The following LRMDA variants were observed in gnomAD, a reference collection of about 807,000 sequenced individuals.
The protein encoded by LRMDA is leucine rich melanocyte differentiation associated.
In LRMDA, 18 loss-of-function variants were observed where a neutral mutation model predicts 29.8. The observed-to-expected ratio is 0.60, with a 90% CI of 0.42 to 0.90. The LOEUF is 0.90. Ranked by LOEUF, LRMDA falls within the 40% of genes least tolerant of loss-of-function variation. The pLI is 0.00. For missense variants in LRMDA, 273 were observed against 273.9 expected (o/e 1.00, Z 0.02); for synonymous variants, 125 against 109.4 (o/e 1.14, Z -0.89).
chr10:76,262,978 A>G (rs1422854443), intron 5 of LRMDA, among the ~76,000 whole-genome samples: 2 of 152,220 alleles, frequency 1.3e-5, no homozygotes, highest in Non-Finnish European at 2.9e-5. Context: ...AATTTTTCTC[A>G]TAATGAAATA....
At chr10:76,552,330 T>G (rs1233254250) in intron 6 of LRMDA, among the ~76,000 whole-genome samples, 3 of 152,218 alleles carry the variant, frequency 2.0e-5, no homozygotes, top group East Asian at 3.9e-4. Flanking sequence ...GGTCAGCACT[T>G]CTAGCTGTAT....
chr10:76,487,909 A>G (rs1292224807), intron 6 of LRMDA, among the ~76,000 whole-genome samples: 1 of 151,888 alleles, frequency 6.6e-6, no homozygotes, highest in Non-Finnish European at 1.5e-5. Context: ...TCTAGCCATC[A>G]GTTTCCTTAT....
intron 6 of LRMDA, among the ~76,000 whole-genome samples, chr10:76,508,563 C>T (rs1842980841): frequency 6.6e-6 from 1 of 150,710 alleles, no homozygotes; most frequent in African/African-American, 2.4e-5. Context: ...TAAGATTTGC[C>T]CATTGGGAGA....
At chr10:76,220,447 G>A (rs1271356273) in intron 5 of LRMDA, among the ~76,000 whole-genome samples, 3 of 151,986 alleles carry the variant, frequency 2.0e-5, no homozygotes, top group Admixed American at 6.6e-5. Flanking sequence ...TATCACCACC[G>A]ATCCCACAGA....
At chr10:76,350,584 G>T (rs1268288748) in intron 6 of LRMDA, among the ~76,000 whole-genome samples, 1 of 152,024 alleles carries the variant, frequency 6.6e-6, no homozygotes, top group Non-Finnish European at 1.5e-5. Flanking sequence ...TATCAGGAAG[G>T]AGCTAACGTT....
intron 6 of LRMDA, among the ~76,000 whole-genome samples, chr10:76,453,831 TTAAGA>T (rs1260122783): frequency 1.3e-5 from 2 of 152,216 alleles, no homozygotes; most frequent in African/African-American, 4.8e-5. Context: ...ATTTGATGCA[TTAAGA>T]TAAGTGAGCC....
At chr10:76,524,525 AC>A (rs1228505968) in intron 6 of LRMDA, among the ~76,000 whole-genome samples, 1 of 152,134 alleles carries the variant, frequency 6.6e-6, no homozygotes, top group Non-Finnish European at 1.5e-5. Context: ...AAAACTCTTT[AC>A]CAGGTCATAT....
chr10:75,902,022 G>A (rs942966088), intron 2 of LRMDA, among the ~76,000 whole-genome samples: 7 of 152,114 alleles, frequency 4.6e-5, no homozygotes, highest in Admixed American at 2.0e-4. Flanking sequence ...CATTTGGGGG[G>A]TTCAGTATGA....
chr10:75,611,126 G>A (rs1216637569), intron 2 of LRMDA, among the ~76,000 whole-genome samples: 1 of 152,162 alleles, frequency 6.6e-6, no homozygotes, highest in Admixed American at 6.5e-5. Context: ...GACCCCTAGA[G>A]AGAAGCCCTG....
chr10:75,561,962 A>G (rs376100069), intron 2 of LRMDA, among the ~76,000 whole-genome samples: 3 of 151,928 alleles, frequency 2.0e-5, no homozygotes, highest in Non-Finnish European at 4.4e-5. Context: ...TATGTGTTCA[A>G]TTTTGGAATA....
intron 6 of LRMDA, among the ~76,000 whole-genome samples, chr10:76,390,527 C>A (rs11001765): frequency 0.28 from 41,624 of 151,040 alleles, 8,370 homozygotes; most frequent in African/African-American, 0.57. Context: ...AACAAGAAAA[C>A]TCAATGTTAA....
intron 5 of LRMDA, among the ~76,000 whole-genome samples, chr10:76,246,581 G>T (rs1348559578): frequency 6.6e-6 from 1 of 152,192 alleles, no homozygotes; most frequent in Non-Finnish European, 1.5e-5. Flanking sequence ...CCTGACTGTG[G>T]GACAGTAATA....
intron 5 of LRMDA, among the ~76,000 whole-genome samples, chr10:76,195,527 A>G (rs1851318008): frequency 6.6e-6 from 1 of 152,136 alleles, no homozygotes; most frequent in Non-Finnish European, 1.5e-5. Context: ...CTGGCCTTGT[A>G]TTTATGGAGG....
chr10:75,546,673 G>T (rs553460349), intron 2 of LRMDA, among the ~76,000 whole-genome samples: 2 of 152,302 alleles, frequency 1.3e-5, no homozygotes, highest in East Asian at 1.9e-4. Context: ...CAAGGCAAAA[G>T]AAGTGTAATA....
intron 2 of LRMDA, among the ~76,000 whole-genome samples, chr10:75,739,515 C>T (rs772305054): frequency 2.3e-4 from 35 of 152,116 alleles, no homozygotes; most frequent in Non-Finnish European, 4.0e-4. Context: ...CAAGAACCTG[C>T]GGAGAGAATG....
At chr10:75,785,804 G>C (rs1175173038) in intron 2 of LRMDA, among the ~76,000 whole-genome samples, 1 of 152,216 alleles carries the variant, frequency 6.6e-6, no homozygotes, top group East Asian at 1.9e-4. Flanking sequence ...AGCCAGTGCT[G>C]CTTTCTGTGT....
chr10:75,797,419 A>G (rs1843671482), intron 2 of LRMDA, among the ~76,000 whole-genome samples: 1 of 152,174 alleles, frequency 6.6e-6, no homozygotes, highest in Admixed American at 6.5e-5. Flanking sequence ...CATTACATAA[A>G]ATTATTTTAA....
chr10:75,819,586 C>T (rs1844121378), intron 2 of LRMDA, among the ~76,000 whole-genome samples: 1 of 151,950 alleles, frequency 6.6e-6, no homozygotes, highest in Non-Finnish European at 1.5e-5. Context: ...AGAGATTTTC[C>T]CTGATAATAT....
At chr10:76,495,709 A>G (rs1333090962) in intron 6 of LRMDA, among the ~76,000 whole-genome samples, 1 of 151,886 alleles carries the variant, frequency 6.6e-6, no homozygotes, top group African/African-American at 2.4e-5. Context: ...TAATTTTTTT[A>G]TACAAATTGT....
Sources: gnomAD v4.1 joint callset for allele counts (sites outside exome capture counted in the v4.1 genomes callset) on GRCh38, gnomAD v4.1.1 for gene constraint, MANE v1.5 for transcripts, NCBI Gene and HGNC (gene_info 2026-07-23, HGNC 2026-07-21) for gene names.